The following ROBO2 variants were observed in gnomAD, a reference collection of about 807,000 sequenced individuals.
The protein encoded by ROBO2 is roundabout homolog 2.
Under a neutral mutation model 160.8 loss-of-function variants are expected in ROBO2, and 53 were observed. The ratio of observed to expected loss-of-function variants is 0.33; its 90% confidence interval spans 0.26 to 0.41. The LOEUF is 0.41. Ranked by LOEUF, ROBO2 falls within the 10% of genes least tolerant of loss-of-function variation. ROBO2 has a pLI of 1.00. For synonymous variants in ROBO2, 664 were observed against 611.7 expected, an observed-to-expected ratio of 1.09 and a Z score of -1.26; for missense variants, 1,577 against 1,722.4, an observed-to-expected ratio of 0.92 and a Z score of 1.49.
intron 2 of ROBO2, among the ~76,000 whole-genome samples, chr3:76,873,354 T>C (rs968297283): frequency 1.3e-5 from 2 of 152,176 alleles, no homozygotes; most frequent in Admixed American, 1.3e-4. Flanking sequence ...TCTATACACA[T>C]TCCTAAGAAC....
chr3:77,174,502 T>G (rs912155184), intron 2 of ROBO2, among the ~76,000 whole-genome samples: 1 of 152,062 alleles, frequency 6.6e-6, no homozygotes, highest in African/African-American at 2.4e-5. Context: ...TTAATACCCC[T>G]TATCCCCATG....
intron 2 of ROBO2, among the ~76,000 whole-genome samples, chr3:76,358,930 AC>A (rs2075340706): frequency 3.1e-5 from 1 of 32,784 alleles, no homozygotes; most frequent in African/African-American, 1.2e-4. Flanking sequence ...CCCTCCCCCC[AC>A]CCCACAACAG....
intron 15 of ROBO2, among the ~76,000 whole-genome samples, chr3:77,578,576 A>G (rs1385849654): frequency 6.6e-6 from 1 of 152,090 alleles, no homozygotes; most frequent in Non-Finnish European, 1.5e-5. Flanking sequence ...AATTTTATTA[A>G]AGAATAACTT....
chr3:77,090,323 CTTTTTTTTTTTT>C (rs542280937), intron 1 of ROBO2, among the ~76,000 whole-genome samples: 1 of 70,748 alleles, frequency 1.4e-5, no homozygotes, highest in African/African-American at 5.8e-5. Flanking sequence ...CTAAACCACT[CTTTTTTTTTTTT>C]TTTTTTTTTT....
chr3:75,931,647 C>T (rs751248244), intron 1 of ROBO2, among the ~76,000 whole-genome samples: 3 of 152,174 alleles, frequency 2.0e-5, no homozygotes, highest in East Asian at 1.9e-4. Flanking sequence ...CCACCACGCC[C>T]GGCCCAAATT....
intron 2 of ROBO2, among the ~76,000 whole-genome samples, chr3:76,346,817 T>C (rs1308169598): frequency 1.3e-5 from 2 of 152,184 alleles, no homozygotes; most frequent in African/African-American, 4.8e-5. Flanking sequence ...ATATACTCAC[T>C]GAGTGACAAC....
intron 2 of ROBO2, among the ~76,000 whole-genome samples, chr3:76,508,615 A>C (rs889599886): frequency 1.3e-5 from 2 of 152,150 alleles, no homozygotes; most frequent in Non-Finnish European, 2.9e-5. Context: ...TTTTAGTACA[A>C]ATGTAGTAAT....
intron 2 of ROBO2, among the ~76,000 whole-genome samples, chr3:76,681,906 T>C (rs1222209770): frequency 6.6e-6 from 1 of 152,158 alleles, no homozygotes; most frequent in African/African-American, 2.4e-5. Flanking sequence ...GGAAAGACCC[T>C]GGATTTCATT....
At chr3:77,641,656 C>A (rs986803841) in intron 24 of ROBO2, among the ~76,000 whole-genome samples, 1 of 151,632 alleles carries the variant, frequency 6.6e-6, no homozygotes, top group Non-Finnish European at 1.5e-5. Flanking sequence ...TAAGGATGAA[C>A]AAAGAAGTTT....
chr3:75,956,584 A>G (rs1948729528), intron 2 of ROBO2, among the ~76,000 whole-genome samples: 1 of 151,724 alleles, frequency 6.6e-6, no homozygotes, highest in Non-Finnish European at 1.5e-5. Context: ...TGACCCTCAT[A>G]TAGGGTCACT....
chr3:76,801,797 C>G (rs2064219569), intron 2 of ROBO2, among the ~76,000 whole-genome samples: 1 of 152,172 alleles, frequency 6.6e-6, no homozygotes, highest in Non-Finnish European at 1.5e-5. Context: ...TGCTGGCATG[C>G]TCACTAATGT....
intron 2 of ROBO2, among the ~76,000 whole-genome samples, chr3:77,131,426 A>C (rs758799928): frequency 2.0e-5 from 3 of 152,200 alleles, no homozygotes; most frequent in Non-Finnish European, 4.4e-5. Context: ...TTTTTCATAC[A>C]GATTACTTGG....
intron 2 of ROBO2, among the ~76,000 whole-genome samples, chr3:76,623,815 G>A (rs2089412274): frequency 6.6e-6 from 1 of 152,162 alleles, no homozygotes; most frequent in African/African-American, 2.4e-5. Context: ...TTTTACAGAA[G>A]ATAAAATTGA....
intron 2 of ROBO2, among the ~76,000 whole-genome samples, chr3:77,412,117 A>G (rs2153522872): frequency 6.6e-6 from 1 of 150,408 alleles, no homozygotes; most frequent in African/African-American, 2.4e-5. Flanking sequence ...CTCGTTAAAT[A>G]CCAGGCGGTT....
chr3:76,649,466 T>A (rs1460280363), intron 2 of ROBO2, among the ~76,000 whole-genome samples: 1 of 151,328 alleles, frequency 6.6e-6, no homozygotes, highest in Admixed American at 6.6e-5. Context: ...TTTTAGAGAA[T>A]CTGAGTGTCA....
At position 77,210,629 on chromosome 3, in the gene ROBO2, GCA is replaced by G. The variant is rs530880046; in HGVS notation, c.388+112292_388+112293del. Reference sequence around the variant, plus strand: ...ATACTTTAAGTTTTAGGGTACATGTGCACAACGTGCAGGTTTGTTACATATGT... The same window carrying G: ...ATACTTTAAGTTTTAGGGTACATGTGCAACGTGCAGGTTTGTTACATATGT... On this transcript the variant is annotated intron_variant, in intron 2 of 25. Coordinates refer to ENST00000461745, the Ensembl canonical transcript of ROBO2. 9.6e-3 allele frequency among the ~76,000 whole-genome samples: 1,458 copies of G among 152,254 alleles called. 13 individuals carry two copies. Among genetic ancestry groups the G allele is most frequent in the Non-Finnish European group, 0.014 (969 of 68,022 alleles).
intron 1 of ROBO2, among the ~76,000 whole-genome samples, chr3:77,081,558 G>C (rs1024533135): frequency 6.6e-6 from 1 of 152,224 alleles, no homozygotes; most frequent in African/African-American, 2.4e-5. Context: ...GTTGTGCCAA[G>C]TCATTCAGAA....
rs71104695 is a variant in ROBO2, at chr3:77,640,097, A to ATTTTTTTTTTTTTTTTTTTTT, written c.3935-4595_3935-4575dup. ...AGAGAAGAAACACTGCAGAGGAAGCATTTTTTTTTTTTTTTTTTTTTTTTT... is the reference window on the plus strand; with the variant it reads ...AGAGAAGAAACACTGCAGAGGAAGCATTTTTTTTTTTTTTTTTTTTTTTTTTTTTTTTTTTTTTTTTTTTTT... On this transcript the variant is annotated intron_variant, in intron 24 of 25. Coordinates refer to ENST00000461745, the Ensembl canonical transcript of ROBO2. Among the ~76,000 whole-genome samples the ATTTTTTTTTTTTTTTTTTTTT allele has an allele frequency of 6.1e-5, 4 of 65,486 alleles. 1 individual carries two copies. Among genetic ancestry groups the ATTTTTTTTTTTTTTTTTTTTT allele is most frequent in the African/African-American group, 1.9e-4 (3 of 15,408 alleles). The allele number at this position is 65,486 out of a possible 152,430, so 43.0% of individuals were successfully genotyped here. A position where few individuals can be genotyped will look rare whatever the true frequency, so the allele number is the denominator to read the frequency against.
At chr3:76,007,651 C>A (rs1418957996) in intron 2 of ROBO2, among the ~76,000 whole-genome samples, 1 of 151,962 alleles carries the variant, frequency 6.6e-6, no homozygotes, top group Non-Finnish European at 1.5e-5. Context: ...GAAATTATGA[C>A]AAGTGTCTGT....
Sources: allele counts gnomAD v4.1 joint callset (sites outside exome capture counted in the v4.1 genomes callset), GRCh38; gene constraint gnomAD v4.1.1; transcripts MANE v1.5; gene names NCBI Gene and HGNC (gene_info 2026-07-23, HGNC 2026-07-21).